ZNF546: variants seen among roughly 807,000 people sequenced by gnomAD.
The protein encoded by ZNF546 is CTC-471F3.6.
A neutral mutation model predicts 76.2 loss-of-function variants in ZNF546; 60 were observed. That is an observed-to-expected ratio of 0.79 (90% CI 0.64 to 0.98). ZNF546 has a LOEUF of 0.98. ZNF546 is among the 50% of genes least tolerant of loss of function. The pLI is 0.00. For synonymous variants in ZNF546, 277 were observed against 328.1 expected (o/e 0.84, Z 1.68); for missense variants, 936 against 1,035.6 (o/e 0.90, Z 1.32).
rs1320986834 is a variant in ZNF546 at position 40,020,786 on chromosome 19, T to C, written c.*5005T>C. On this transcript the variant is annotated 3_prime_UTR_variant, in exon 7 of 7. Transcript: ENST00000347077. ...AAAAAGAGTGACCCTAAAGATAGAATATTCAGATCTAATGGCAGATGCTTA... is the reference window on the plus strand; with the variant it reads ...AAAAAGAGTGACCCTAAAGATAGAACATTCAGATCTAATGGCAGATGCTTA... The C allele has an allele frequency of 6.6e-6, 1 of 152,138 alleles. No homozygotes were observed. The highest frequency in any genetic ancestry group is 1.5e-5 in the Non-Finnish European group (1 of 67,984). The allele number at this position is 152,138 out of a possible 1,614,324, so 9.4% of individuals were successfully genotyped here.
At chr19:40,010,581 C>G (rs990683973) in intron 6 of ZNF546, among the ~76,000 whole-genome samples, 2 of 152,112 alleles carry the variant, frequency 1.3e-5, no homozygotes, top group African/African-American at 4.8e-5. Flanking sequence ...TTTCATTTTC[C>G]TAATGCCTAA....
chr19:40,009,055 A>G (rs926935014), intron 6 of ZNF546, among the ~76,000 whole-genome samples: 3 of 152,210 alleles, frequency 2.0e-5, no homozygotes, highest in Non-Finnish European at 4.4e-5. Flanking sequence ...TCAAGTTTTC[A>G]TATGTGTTGT....
chr19:40,003,764 C>T (rs1477896789), intron 3 of ZNF546, among the ~76,000 whole-genome samples: 3 of 152,010 alleles, frequency 2.0e-5, no homozygotes, highest in Non-Finnish European at 2.9e-5. Context: ...GCAATACCAG[C>T]ACTTTGGGAG....
In ZNF546 at chr19:40,015,186, G is replaced by T. The variant is rs369757930; in HGVS notation, c.1916G>T (p.Cys639Phe). 239 of 1,613,994 alleles carry T rather than the reference G, an allele frequency of 1.5e-4. 1 individual carries two copies. Among genetic ancestry groups the T allele is most frequent in the South Asian group, 1.3e-3 (115 of 91,070 alleles). Residue 639 changes from cysteine (C) to phenylalanine (F), a missense_variant, in exon 7 of 7, where the codon TGT becomes TTT. By Grantham distance (205) the Cys-to-Phe change is radical. Coordinates refer to ENST00000347077, the MANE Select transcript of ZNF546 (RefSeq NM_178544.5). ...CATACTGGTGAAAAACCCTATAAAT[G>T]TACAGAATGTGGGAAGGCCTTTATT... ...RIHTGEKPYK[C>F]TECGKAFIRS...
chr19:40,007,289 A>G lies in ZNF546; in HGVS notation c.187A>G (p.Arg63Gly). 6.4e-7 allele frequency: 1 copy of G among 1,556,370 alleles called. No individual in the cohort carries two copies. Among genetic ancestry groups the G allele is most frequent in the Non-Finnish European group, 8.7e-7 (1 of 1,148,822 alleles). ...GTCATTTCAGGTATCTTTGGCATTT[A>G]GGGATGTGTCCATAGACCTCTCCCA... is the stretch of plus-strand genomic sequence containing the variant. ...KTMANVSLAF[R>G]DVSIDLSQEE... Residue 63 changes from arginine to glycine, a missense_variant, in exon 5 of 7, where the codon AGG becomes GGG. Physicochemically the swap from Arg to Gly is moderately radical, Grantham distance 125. Coordinates refer to ENST00000347077, the MANE Select transcript of ZNF546 (RefSeq NM_178544.5).
At position 39,998,638 on chromosome 19, in the gene ZNF546, A is replaced by G. The variant is rs548154978; in HGVS notation, c.84+228A>G. ...TGTGATTGGAAGTCCAAGCATAGAA[A>G]TCTGTGTGAACATGAGCAGGGATTT... On this transcript the variant is annotated intron_variant, in intron 3 of 6. Transcript: ENST00000347077. 3.3e-5 allele frequency: 17 copies of G among 509,790 alleles called. No individual in the cohort carries two copies. In the South Asian group the frequency reaches 4.4e-4, roughly 13 times the overall value. 31.6% of individuals were successfully genotyped at this position (509,790 alleles called of 1,614,324 possible).
At position 40,007,391 on chromosome 19, in the gene ZNF546, G is replaced by T. The variant is rs941367338; in HGVS notation, c.289G>T (p.Val97Phe). ...DVMLENYSNL[V>F]SLGYTIPKPD... ...GATGTTGGAGAACTACAGCAACCTGGTCTCACTGGGTAAGGTATCTTTCGA... is the reference window on the plus strand; with the variant it reads ...GATGTTGGAGAACTACAGCAACCTGTTCTCACTGGGTAAGGTATCTTTCGA... Residue 97 changes from valine to phenylalanine, a missense_variant, in exon 5 of 7, where the codon GTC becomes TTC. By Grantham distance (50) the Val-to-Phe change is conservative (BLOSUM62 -1). Transcript: ENST00000347077. The T allele has an allele frequency of 6.3e-7, 1 of 1,596,362 alleles. No individual in the cohort carries two copies. Among genetic ancestry groups the T allele is most frequent in the South Asian group, 1.1e-5 (1 of 88,304 alleles).
At position 39,998,374 on chromosome 19, in the gene ZNF546, T is replaced by G. The variant is rs752945828; in HGVS notation, c.48T>G (p.Ile16Met). 5.6e-5 allele frequency: 91 copies of G among 1,614,072 alleles called. No individual in the cohort carries two copies. The highest frequency in any genetic ancestry group is 7.2e-5 in the Non-Finnish European group (85 of 1,180,024). Residue 16 changes from isoleucine (I) to methionine (M), a missense_variant, in exon 3 of 7, where the codon ATT (isoleucine) becomes ATG (methionine). Coordinates refer to ENST00000347077, the MANE Select transcript of ZNF546 (RefSeq NM_178544.5). The part of the protein sequence containing the change: ...PLHGPPNDFL[I>M]FQIIPLHSLS... The stretch of plus-strand genomic sequence containing the variant: ...ACGGGCCTCCAAATGACTTTCTCAT[T>G]TTTCAAATCATTCCTCTGCACTCAC...
In ZNF546 at chr19:40,017,355, A is replaced by C. The variant is rs958010945; in HGVS notation, c.*1574A>C. ...CAATGATAAATTAAAAACAGCCACT[A>C]TCCATTTGGAAAACTTAAAAGAATA... On this transcript the variant is annotated 3_prime_UTR_variant, in exon 7 of 7. Coordinates refer to ENST00000347077, the MANE Select transcript of ZNF546 (RefSeq NM_178544.5). 6.6e-6 allele frequency: 1 copy of C among 150,752 alleles called. No individual in the cohort carries two copies. The highest frequency in any genetic ancestry group is 1.5e-5 in the Non-Finnish European group (1 of 68,028). 9.3% of individuals were successfully genotyped at this position (150,752 alleles called of 1,614,324 possible).
Position 40,007,390 on chromosome 19 carries a change from G to A in ZNF546, c.288G>A (p.Leu96=), listed in dbSNP as rs751922093. 1.3e-6 allele frequency: 2 copies of A among 1,595,242 alleles called. No homozygotes were observed. Among genetic ancestry groups the A allele is most frequent in the South Asian group, 2.3e-5 (2 of 88,138 alleles). Residue 96 remains leucine (L), a synonymous_variant, in exon 5 of 7, where the codon CTG becomes CTA. Transcript: ENST00000347077. ...KDVMLENYSN[L]VSLGYTIPKP... ...TGATGTTGGAGAACTACAGCAACCTGGTCTCACTGGGTAAGGTATCTTTCG... is the reference window on the plus strand; with the variant it reads ...TGATGTTGGAGAACTACAGCAACCTAGTCTCACTGGGTAAGGTATCTTTCG...
intron 3 of ZNF546, among the ~76,000 whole-genome samples, chr19:40,001,924 G>A (rs1971536250): frequency 6.6e-6 from 1 of 152,192 alleles, no homozygotes; most frequent in Admixed American, 6.6e-5. Flanking sequence ...TAAGTGGGAT[G>A]TATGTATTAT....
At position 40,013,943 on chromosome 19, in the gene ZNF546, G is replaced by T. The variant is rs1971708238; in HGVS notation, c.673G>T (p.Ala225Ser). Residue 225 changes from alanine (A) to serine (S), a missense_variant, in exon 7 of 7, where the codon GCC becomes TCC. Physicochemically the swap from Ala to Ser is moderately conservative, Grantham distance 99 (BLOSUM62 1). Transcript: ENST00000347077. ...KSYECKECRK[A>S]FRQQSYLIQH... ...ATATGAATGTAAGGAATGTAGAAAGGCCTTTAGACAACAGTCATACCTTAT... is the reference window on the plus strand; with the variant it reads ...ATATGAATGTAAGGAATGTAGAAAGTCCTTTAGACAACAGTCATACCTTAT... 5.0e-6 allele frequency: 8 copies of T among 1,611,842 alleles called. No homozygotes were observed. Among genetic ancestry groups the T allele is most frequent in the Non-Finnish European group, 6.8e-6 (8 of 1,178,772 alleles).
rs1971831440 is a variant in ZNF546, at chr19:40,019,823, TTAA to T, written c.*4044_*4046del. ...GATAGATCTGTTCTAGTTTTCCAAA[TTAA>T]TGATGGGAAAGGAAGAGCTGATCCA... is the stretch of plus-strand genomic sequence containing the variant. On this transcript the variant is annotated 3_prime_UTR_variant, in exon 7 of 7. Coordinates refer to ENST00000347077, the MANE Select transcript of ZNF546 (RefSeq NM_178544.5). 1 of 152,238 alleles carries T rather than the reference TTAA, an allele frequency of 6.6e-6. No homozygotes were observed. The highest frequency in any genetic ancestry group is 1.5e-5 in the Non-Finnish European group (1 of 68,040). 9.4% of individuals were successfully genotyped at this position (152,238 alleles called of 1,614,324 possible). A position where few individuals can be genotyped will look rare whatever the true frequency, so the allele number is the denominator to read the frequency against.
intron 3 of ZNF546, among the ~76,000 whole-genome samples, chr19:40,004,099 A>AAATATATATTATATATATAACTATATT (rs1971569981): frequency 1.4e-5 from 2 of 143,074 alleles, no homozygotes; most frequent in Non-Finnish European, 3.0e-5. Flanking sequence ...ATTAATATAT[A>AAATATATATTATATATATAACTATATT]AATATATATT....
At chr19:40,003,867 C>G (rs1204990870) in intron 3 of ZNF546, among the ~76,000 whole-genome samples, 1 of 151,616 alleles carries the variant, frequency 6.6e-6, no homozygotes, top group Non-Finnish European at 1.5e-5. Flanking sequence ...CCAAAATTAG[C>G]CGGGCGCAGT....
intron 6 of ZNF546, 70 bp from the exon 7 acceptor site, chr19:40,013,595 G>T: frequency 7.8e-7 from 1 of 1,289,210 alleles, no homozygotes. Context: ...CCCCATCCCT[G>T]CCCCAACACA....
intron 3 of ZNF546, among the ~76,000 whole-genome samples, chr19:40,001,101 CTA>C (rs1300604324): frequency 1.3e-5 from 2 of 152,162 alleles, no homozygotes; most frequent in East Asian, 3.9e-4. Context: ...CTATGAAAAT[CTA>C]ATGCTGCAGC....
At chr19:40,003,384 A>G (rs1363276505) in intron 3 of ZNF546, among the ~76,000 whole-genome samples, 3 of 152,204 alleles carry the variant, frequency 2.0e-5, no homozygotes, top group African/African-American at 4.8e-5. Context: ...GCACAATTTC[A>G]TACCTTAAGT....
rs751145205 is a variant in ZNF546 at position 40,013,686 on chromosome 19, C to T, written c.416C>T (p.Thr139Ile). ...WFTDLEYKYI[T>I]KNLLSEKNVC... Reference sequence around the variant, plus strand: ...GCAGATTTGGAATACAAGTATATTACCAAGAATTTGCTTTCAGAAAAGAAT... The same window carrying T: ...GCAGATTTGGAATACAAGTATATTATCAAGAATTTGCTTTCAGAAAAGAAT... Residue 139 changes from threonine (T) to isoleucine (I), a missense_variant, in exon 7 of 7, where the codon ACC becomes ATC. Thr to Ile is a moderately conservative substitution (Grantham distance 89). Coordinates refer to ENST00000347077, the MANE Select transcript of ZNF546 (RefSeq NM_178544.5). The T allele has an allele frequency of 1.6e-5, 19 of 1,219,998 alleles. No homozygotes were observed. Among genetic ancestry groups the T allele is most frequent in the Non-Finnish European group, 2.0e-5 (18 of 899,820 alleles). The allele number at this position is 1,219,998 out of a possible 1,614,324, so 75.6% of individuals were successfully genotyped here.
Sources: allele counts gnomAD v4.1 joint callset (sites outside exome capture counted in the v4.1 genomes callset), GRCh38; gene constraint gnomAD v4.1.1; transcripts MANE v1.5; gene names NCBI Gene and HGNC (gene_info 2026-07-23, HGNC 2026-07-21).